Variants in ANK3 observed in about 807,000 individuals in gnomAD.
The protein encoded by ANK3 is ankyrin 3, also known as ankyrin-3.
ANK3 carries 57 observed loss-of-function variants against 370.9 expected under a neutral mutation model. That is an observed-to-expected ratio of 0.15 (90% CI 0.12 to 0.19). The LOEUF (loss-of-function observed/expected upper bound fraction) is 0.19, where lower values mean the gene tolerates loss of function less well. Among genes scored for constraint, ANK3 ranks in the 10% least tolerant of loss-of-function variants. The pLI is 1.00. For synonymous variants in ANK3, 1,929 were observed against 1,946.3 expected, an observed-to-expected ratio of 0.99 and a Z score of 0.23; for missense variants, 4,439 against 5,302.1, an observed-to-expected ratio of 0.84 and a Z score of 5.06.
chr10:60,653,030 T>C (rs557847881), intron 1 of ANK3, among the ~76,000 whole-genome samples: 47 of 152,200 alleles, frequency 3.1e-4, no homozygotes, highest in Non-Finnish European at 5.3e-4. Flanking sequence ...GTTATAATTA[T>C]AAGAGACCTC....
chr10:60,064,672 G>GCAACAA (rs56412726), intron 38 of ANK3, among the ~76,000 whole-genome samples: 3,040 of 146,148 alleles, frequency 0.021, 73 homozygotes, highest in African/African-American at 0.052. Flanking sequence ...CATACACACA[G>GCAACAA]CAACAACAAC....
intron 8 of ANK3, among the ~76,000 whole-genome samples, chr10:60,232,934 T>C (rs528873186): frequency 6.6e-6 from 1 of 152,308 alleles, no homozygotes; most frequent in South Asian, 2.1e-4. Flanking sequence ...CAGGCCAGTT[T>C]TAGGATCATG....
intron 9 of ANK3, among the ~76,000 whole-genome samples, chr10:60,209,874 C>T (rs1386393383): frequency 6.6e-6 from 1 of 152,124 alleles, no homozygotes; most frequent in Non-Finnish European, 1.5e-5. Flanking sequence ...AAAAAATTCT[C>T]TAGCAATGCA....
At chr10:60,534,707 G>A (rs1332507407) in intron 2 of ANK3, among the ~76,000 whole-genome samples, 1 of 152,066 alleles carries the variant, frequency 6.6e-6, no homozygotes, top group African/African-American at 2.4e-5. Context: ...AGCGTTATTA[G>A]TATATGTGAG....
chr10:60,731,264 A>G (rs1490826572), intron 1 of ANK3, among the ~76,000 whole-genome samples: 1 of 152,226 alleles, frequency 6.6e-6, no homozygotes, highest in African/African-American at 2.4e-5. Context: ...AGAAAACCAC[A>G]GATATACATA....
At chr10:60,547,115 G>C (rs1439778821) in intron 2 of ANK3, among the ~76,000 whole-genome samples, 1 of 143,622 alleles carries the variant, frequency 7.0e-6, no homozygotes, top group East Asian at 2.0e-4. Flanking sequence ...TTTTGAGAAG[G>C]AGTCTGGCTC....
intron 42 of ANK3, among the ~76,000 whole-genome samples, chr10:60,055,343 G>A (rs1463537928): frequency 6.6e-6 from 1 of 152,110 alleles, no homozygotes; most frequent in Admixed American, 6.5e-5. Context: ...AAAATACTGG[G>A]TCTTAAACTA....
chr10:60,673,165 C>T (rs1750146752), intron 1 of ANK3, among the ~76,000 whole-genome samples: 1 of 151,754 alleles, frequency 6.6e-6, no homozygotes, highest in Non-Finnish European at 1.5e-5. Context: ...GAAACTTCTA[C>T]TGTAAACATG....
intron 1 of ANK3, among the ~76,000 whole-genome samples, chr10:60,620,126 A>G (rs116849791): frequency 0.02 from 2,990 of 152,308 alleles, 36 homozygotes; most frequent in Admixed American, 0.028. Context: ...CATCTTATAA[A>G]TGATTTATTT....
At chr10:60,121,859 G>A (rs780741839) in intron 25 of ANK3, among the ~76,000 whole-genome samples, 47 of 152,140 alleles carry the variant, frequency 3.1e-4, no homozygotes, top group Non-Finnish European at 5.9e-4. Flanking sequence ...TTGCCATGAT[G>A]TGATTGTGCA....
At chr10:60,434,901 T>A (rs1050572016) in intron 2 of ANK3, among the ~76,000 whole-genome samples, 3 of 152,226 alleles carry the variant, frequency 2.0e-5, no homozygotes, top group Non-Finnish European at 4.4e-5. Flanking sequence ...TTGAGTTTCT[T>A]TTCAGCAAGT....
intron 28 of ANK3, 62 bp from the exon 29 acceptor site, chr10:60,088,420 C>G (rs2087256389): frequency 2.8e-6 from 4 of 1,404,310 alleles, no homozygotes; most frequent in Admixed American, 3.7e-5. Context: ...TACCTTAAGT[C>G]AAAATGATAT....
chr10:60,425,067 GC>G (rs2063854049), intron 2 of ANK3, among the ~76,000 whole-genome samples: 1 of 152,036 alleles, frequency 6.6e-6, no homozygotes. Context: ...TTCATAGGGT[GC>G]TTGTGGAAAT....
intron 9 of ANK3, among the ~76,000 whole-genome samples, chr10:60,209,446 T>C (rs1482614515): frequency 6.6e-6 from 1 of 152,218 alleles, no homozygotes; most frequent in Admixed American, 6.5e-5. Context: ...ATCCACTCTC[T>C]GACATATATT....
intron 1 of ANK3, among the ~76,000 whole-genome samples, chr10:60,634,474 C>T (rs1424362733): frequency 6.6e-6 from 1 of 152,050 alleles, no homozygotes; most frequent in African/African-American, 2.4e-5. Flanking sequence ...CCAATCGGCA[C>T]TCTGTAAAAC....
chr10:60,215,816 T>C (rs910168113), intron 8 of ANK3, among the ~76,000 whole-genome samples: 2 of 152,192 alleles, frequency 1.3e-5, no homozygotes, highest in African/African-American at 2.4e-5. Context: ...CTTAGGATTG[T>C]CTTGGCTATA....
chr10:60,480,639 A>G (rs1345993508), intron 2 of ANK3, among the ~76,000 whole-genome samples: 1 of 152,172 alleles, frequency 6.6e-6, no homozygotes, highest in Non-Finnish European at 1.5e-5. Flanking sequence ...TTTACCAAAG[A>G]AGATAATGAA....
At chr10:60,401,050 T>C (rs1216472568) in intron 2 of ANK3, among the ~76,000 whole-genome samples, 1 of 152,200 alleles carries the variant, frequency 6.6e-6, no homozygotes, top group East Asian at 1.9e-4. Context: ...ATATATTCAT[T>C]CTAAAAATTT....
chr10:60,510,037 C>T (rs1326861020), intron 2 of ANK3, among the ~76,000 whole-genome samples: 1 of 151,880 alleles, frequency 6.6e-6, no homozygotes, highest in Non-Finnish European at 1.5e-5. Flanking sequence ...TCCCACAAGG[C>T]CATGGTCTCT....
Sources: gnomAD v4.1 joint callset for allele counts (sites outside exome capture counted in the v4.1 genomes callset) on GRCh38, gnomAD v4.1.1 for gene constraint, MANE v1.5 for transcripts, NCBI Gene and HGNC (gene_info 2026-07-23, HGNC 2026-07-21) for gene names.